PCDHGA7: variants seen among roughly 807,000 people sequenced by gnomAD.
The protein encoded by PCDHGA7 is protocadherin gamma subfamily A, 7, also known as protocadherin gamma-A7.
PCDHGA7 carries 44 observed loss-of-function variants against 58.3 expected under a neutral mutation model. The observed-to-expected ratio is 0.75, with a 90% CI of 0.59 to 0.97. The LOEUF is 0.97. Ranked by LOEUF, PCDHGA7 falls within the 50% of genes least tolerant of loss-of-function variation. The probability of loss-of-function intolerance (pLI) is 0.00; values close to 1 mark genes in which losing one functional copy is unlikely to be tolerated. For missense variants in PCDHGA7, 1,266 were observed against 1,188.7 expected (o/e 1.06, Z -0.96); for synonymous variants, 516 against 504.2 (o/e 1.02, Z -0.31).
intron 1 of PCDHGA7, among the ~76,000 whole-genome samples, chr5:141,444,029 A>T (rs977610555): frequency 2.6e-5 from 4 of 152,164 alleles, no homozygotes; most frequent in African/African-American, 9.7e-5. Flanking sequence ...AAAGGAATTC[A>T]GTAAATCAGA....
Position 141,383,842 on chromosome 5 carries a change from T to C in PCDHGA7, c.943T>C (p.Tyr315His). The C allele has an allele frequency of 6.2e-7, 1 of 1,613,970 alleles. No homozygotes were observed. ...ATTAGATTATGAAGAAACTGCCTTC[T>C]ATGAAATGGAGGTTCAGGCTCAAGA... ...EGLDYEETAFYEMEVQAQDGP... is the reference protein window; with the variant it reads ...EGLDYEETAFHEMEVQAQDGP... The change falls in exon 1 of 4, where the codon TAT becomes CAT. Residue 315 changes from tyrosine (Y) to histidine (H), a missense_variant. By Grantham distance (83) the Tyr-to-His change is moderately conservative (BLOSUM62 2). Coordinates refer to ENST00000518325, the MANE Select transcript of PCDHGA7 (RefSeq NM_018920.4).
chr5:141,489,300 C>A lies in PCDHGA7; in HGVS notation c.2425-5507C>A. On this transcript the variant is annotated intron_variant, in intron 1 of 3. Coordinates refer to ENST00000518325, the MANE Select transcript of PCDHGA7 (RefSeq NM_018920.4). The surrounding 1 kb of genome is among the most constrained non-coding windows in gnomAD (Gnocchi z 4.5). ...AATGGCAAGTGCTGTGCATGTTGTC[C>A]TTGTGCTGCTGGGGCTGGGTGTCTG... 1 of 1,585,698 alleles carries A rather than the reference C, an allele frequency of 6.3e-7. No homozygotes were observed. Among genetic ancestry groups the A allele is most frequent in the South Asian group, 1.2e-5 (1 of 85,012 alleles).
At chr5:141,472,980 C>CAAAAAAAAAA (rs60579131) in intron 1 of PCDHGA7, among the ~76,000 whole-genome samples, 34 of 85,838 alleles carry the variant, frequency 4.0e-4, no homozygotes, top group South Asian at 1.3e-3. Context: ...GAGTGAAACT[C>CAAAAAAAAAA]AAAAAAAAAA....
At chr5:141,441,779 C>T in intron 1 of PCDHGA7, 2 of 390,030 alleles carry the variant, frequency 5.1e-6, no homozygotes, top group South Asian at 2.0e-5. Context: ...TGGTGGACGA[C>T]CTGAATGACA....
intron 1 of PCDHGA7, chr5:141,409,152 T>C: frequency 6.2e-7 from 1 of 1,613,988 alleles, no homozygotes; most frequent in Non-Finnish European, 8.5e-7. Context: ...AGGTACACCA[T>C]GGAAGTGGAA....
intron 1 of PCDHGA7, among the ~76,000 whole-genome samples, chr5:141,463,380 A>G (rs994170903): frequency 2.0e-5 from 3 of 149,876 alleles, no homozygotes; most frequent in Admixed American, 6.7e-5. Context: ...ACAGTCTGAA[A>G]GTTGTCTCCA....
chr5:141,403,532 C>A (rs1313886103), intron 1 of PCDHGA7: 1 of 1,613,892 alleles, frequency 6.2e-7, no homozygotes, highest in Non-Finnish European at 8.5e-7. Context: ...AAACCCAGAG[C>A]TGGTGCTGGA....
At chr5:141,424,717 T>G (rs914445969) in intron 1 of PCDHGA7, 1 of 152,202 alleles carries the variant, frequency 6.6e-6, no homozygotes, top group Non-Finnish European at 1.5e-5. Context: ...TCAGTGTAGT[T>G]GGGAGTCATA....
intron 1 of PCDHGA7, among the ~76,000 whole-genome samples, chr5:141,426,006 G>C (rs1013613474): frequency 2.0e-5 from 3 of 152,104 alleles, no homozygotes; most frequent in African/African-American, 7.2e-5. Flanking sequence ...AAGGCTTCCG[G>C]CTGCAGTTTT....
chr5:141,418,597 G>T, intron 1 of PCDHGA7: 7 of 1,614,052 alleles, frequency 4.3e-6, no homozygotes, highest in South Asian at 1.1e-5. Flanking sequence ...GCCAGGACGT[G>T]TACAGGGTTA....
In PCDHGA7 at chr5:141,383,967, C is replaced by G; in HGVS notation, c.1068C>G (p.Ile356Met). The G allele has an allele frequency of 6.2e-7, 1 of 1,613,458 alleles. No individual in the cohort carries two copies. The highest frequency in any genetic ancestry group is 8.5e-7 in the Non-Finnish European group (1 of 1,179,452). The part of the protein sequence containing the change: ...EVTMTSLSSS[I>M]PEDTPLGTVI... ...CTATGACGTCTTTAAGTAGCTCAATCCCTGAAGACACACCTCTTGGGACAG... is the reference window on the plus strand; with the variant it reads ...CTATGACGTCTTTAAGTAGCTCAATGCCTGAAGACACACCTCTTGGGACAG... Residue 356 changes from isoleucine to methionine, a missense_variant, in exon 1 of 4, where the codon ATC (isoleucine) becomes ATG (methionine). Transcript: ENST00000518325.
At chr5:141,449,016 C>T (rs2098623330) in intron 1 of PCDHGA7, among the ~76,000 whole-genome samples, 1 of 152,008 alleles carries the variant, frequency 6.6e-6, no homozygotes, top group African/African-American at 2.4e-5. Context: ...TTAACAGTTG[C>T]TTAGCATTCC....
At chr5:141,414,356 T>C in intron 1 of PCDHGA7, 1 of 1,613,950 alleles carries the variant, frequency 6.2e-7, no homozygotes, top group Non-Finnish European at 8.5e-7. Flanking sequence ...TTGGCGTATC[T>C]ACCATTTAAA....
At chr5:141,478,396 G>GT in intron 1 of PCDHGA7, 1 of 1,613,564 alleles carries the variant, frequency 6.2e-7, no homozygotes, top group Non-Finnish European at 8.5e-7. Flanking sequence ...ACCATCAGGT[G>GT]TATCTCACCA....
chr5:141,448,439 C>T (rs182359185), intron 1 of PCDHGA7, among the ~76,000 whole-genome samples: 7 of 152,232 alleles, frequency 4.6e-5, no homozygotes, highest in Admixed American at 4.6e-4. Context: ...ATTGAGAAGT[C>T]TGACTTCCAT....
In PCDHGA7 at chr5:141,438,591, C is replaced by T. The variant is rs12717894; in HGVS notation, c.2424+53268C>T. 3.5e-3 allele frequency among the ~76,000 whole-genome samples: 262 copies of T among 75,376 alleles called. 1 individual carries two copies. The highest frequency in any genetic ancestry group is 4.5e-3 in the Non-Finnish European group (168 of 37,204). 49.4% of individuals were successfully genotyped at this position (75,376 alleles called of 152,430 possible). ...TCTGATATACATACATACATACATA[C>T]ATATATATATATATATATATATATA... On this transcript the variant is annotated intron_variant, in intron 1 of 3. Transcript: ENST00000518325.
Position 141,420,255 on chromosome 5 carries a change from A to T in PCDHGA7, c.2424+34932A>T, listed in dbSNP as rs917458059. The T allele has an allele frequency of 2.5e-6, 4 of 1,569,630 alleles. No homozygotes were observed. The highest frequency in any genetic ancestry group is 1.4e-5 in the African/African-American group (1 of 73,152). On this transcript the variant is annotated intron_variant, in intron 1 of 3. Coordinates refer to ENST00000518325, the MANE Select transcript of PCDHGA7 (RefSeq NM_018920.4). ...ATTTTAACTCCCAGCGTTGAAGCAG[A>T]TAAGAAGATTCTTAAACAGGTAAGT...
chr5:141,405,351 C>G, intron 1 of PCDHGA7: 1 of 1,614,080 alleles, frequency 6.2e-7, no homozygotes, highest in Non-Finnish European at 8.5e-7. Flanking sequence ...TCCAAGTTTC[C>G]TATAGAAGAC....
At chr5:141,409,424 G>A in intron 1 of PCDHGA7, 1 of 1,613,998 alleles carries the variant, frequency 6.2e-7, no homozygotes, top group Non-Finnish European at 8.5e-7. Context: ...GGTGACAGAT[G>A]GAGCCCTGGA....
Sources: gnomAD v4.1 joint callset for allele counts (sites outside exome capture counted in the v4.1 genomes callset) on GRCh38, gnomAD v4.1.1 for gene constraint, Gnocchi (gnomAD v3.1) non-coding constraint, MANE v1.5 for transcripts, NCBI Gene and HGNC (gene_info 2026-07-23, HGNC 2026-07-21) for gene names.